The following PDGFRL variants were observed in gnomAD, a reference collection of about 807,000 sequenced individuals.
PDGFRL encodes the protein platelet derived growth factor receptor like.
In PDGFRL, 46 loss-of-function variants were observed where a neutral mutation model predicts 37.2. The observed-to-expected ratio is 1.24, with a 90% confidence interval of 0.98 to 1.58. The LOEUF is 1.58. PDGFRL is among the 40% of genes most tolerant of loss of function. The probability of loss-of-function intolerance (pLI) is 0.00; values close to 1 mark genes in which losing one functional copy is unlikely to be tolerated. For missense variants in PDGFRL, 692 were observed against 467.6 expected, an observed-to-expected ratio of 1.48 and a Z score of -4.43; for synonymous variants, 251 against 184.3, an observed-to-expected ratio of 1.36 and a Z score of -2.93.
chr8:17,587,610 C>G (rs575105500), intron 1 of PDGFRL, among the ~76,000 whole-genome samples: 1 of 152,188 alleles, frequency 6.6e-6, no homozygotes, highest in African/African-American at 2.4e-5. Flanking sequence ...GTGGTACAAT[C>G]ATAGCTCATC....
At chr8:17,599,873 C>G (rs1294622769) in intron 2 of PDGFRL, among the ~76,000 whole-genome samples, 2 of 152,192 alleles carry the variant, frequency 1.3e-5, no homozygotes, top group African/African-American at 2.4e-5. Flanking sequence ...GGCCAAAGCA[C>G]TATCCGTGCC....
chr8:17,609,476 A>G (rs1014413579), intron 2 of PDGFRL, among the ~76,000 whole-genome samples: 2 of 143,238 alleles, frequency 1.4e-5, no homozygotes, highest in Non-Finnish European at 3.1e-5. Context: ...CTCTGTCTGG[A>G]AAAAAAAAAA....
chr8:17,636,923 G>A (rs936928993), intron 5 of PDGFRL, among the ~76,000 whole-genome samples: 2 of 152,164 alleles, frequency 1.3e-5, no homozygotes, highest in African/African-American at 4.8e-5. Flanking sequence ...CTTGGTTGCT[G>A]TTGGTTTATA....
intron 2 of PDGFRL, among the ~76,000 whole-genome samples, chr8:17,590,374 A>C (rs1803910885): frequency 6.6e-6 from 1 of 151,930 alleles, no homozygotes; most frequent in Admixed American, 6.6e-5. Context: ...GGGAAACCAA[A>C]ATGTTATAGA....
intron 3 of PDGFRL, among the ~76,000 whole-genome samples, chr8:17,624,444 T>A (rs1005728762): frequency 6.6e-6 from 1 of 152,176 alleles, no homozygotes; most frequent in African/African-American, 2.4e-5. Flanking sequence ...ATAACATATG[T>A]AAAGAAAAAC....
chr8:17,580,951 T>G (rs1261663434), intron 1 of PDGFRL, among the ~76,000 whole-genome samples: 1 of 84,850 alleles, frequency 1.2e-5, no homozygotes, highest in East Asian at 7.3e-4. Context: ...TACATGGCAT[T>G]TTCATACGTG....
chr8:17,587,232 G>T, intron 1 of PDGFRL, among the ~76,000 whole-genome samples: 1 of 152,110 alleles, frequency 6.6e-6, no homozygotes, highest in East Asian at 1.9e-4. Flanking sequence ...TGGTCAAAAG[G>T]TCAAATTATT....
chr8:17,585,588 G>A (rs1224720440), intron 1 of PDGFRL, among the ~76,000 whole-genome samples: 1 of 152,056 alleles, frequency 6.6e-6, no homozygotes, highest in Non-Finnish European at 1.5e-5. Context: ...ATAACTAATT[G>A]GGAAGCAACT....
chr8:17,606,886 G>GTTTTTTTTTTTT (rs371085758), intron 2 of PDGFRL, among the ~76,000 whole-genome samples: 1 of 138,262 alleles, frequency 7.2e-6, no homozygotes, highest in African/African-American at 2.8e-5. Context: ...TTCGTTTTTT[G>GTTTTTTTTTTTT]TTTTTTTGTT....
intron 4 of PDGFRL, among the ~76,000 whole-genome samples, chr8:17,632,923 G>A (rs550691173): frequency 1.3e-5 from 2 of 152,286 alleles, no homozygotes; most frequent in East Asian, 1.9e-4. Context: ...GCTTCCTCAA[G>A]GAAGCCCTTC....
rs201682806 is a variant in PDGFRL, at chr8:17,642,630, G to C, written c.957G>C (p.Thr319=). 1 of 1,607,800 alleles carries C rather than the reference G, an allele frequency of 6.2e-7. No individual in the cohort carries two copies. Among genetic ancestry groups the C allele is most frequent in the Non-Finnish European group, 8.5e-7 (1 of 1,174,264 alleles). The stretch of plus-strand genomic sequence containing the variant: ...TTAAACAGGATGAAAGGCCTGTGAC[G>C]ATCCAAGACACTTGGAGGTTGATCC... ...FPGQKDERPV[T]IQDTWRLIHR... The change falls in exon 6 of 6, where the codon ACG becomes ACC. Residue 319 remains threonine (T), a synonymous_variant. Coordinates refer to ENST00000251630, the MANE Select transcript of PDGFRL (RefSeq NM_001372073.1).
intron 2 of PDGFRL, among the ~76,000 whole-genome samples, chr8:17,597,441 C>T (rs1804077655): frequency 6.6e-6 from 1 of 152,130 alleles, no homozygotes; most frequent in Non-Finnish European, 1.5e-5. Flanking sequence ...TTGACACTCA[C>T]CTACAAAAGC....
At chr8:17,576,968 G>C (rs1055112559), upstream of PDGFRL, among the ~76,000 whole-genome samples, 14 of 151,418 alleles carry the variant, frequency 9.2e-5, no homozygotes, top group African/African-American at 3.4e-4. Context: ...GAAATTCAAG[G>C]AATGGCTGTT....
intron 1 of PDGFRL, among the ~76,000 whole-genome samples, chr8:17,584,579 C>T (rs542870432): frequency 1.3e-5 from 2 of 152,000 alleles, no homozygotes; most frequent in Admixed American, 1.3e-4. Context: ...AAAACCAAGG[C>T]AGCACAGGGT....
chr8:17,606,433 G>C (rs1406716629), intron 2 of PDGFRL, among the ~76,000 whole-genome samples: 4 of 152,124 alleles, frequency 2.6e-5, no homozygotes, highest in Admixed American at 2.6e-4. Flanking sequence ...GGTCTAATTT[G>C]CAGTGGCCAG....
intron 2 of PDGFRL, among the ~76,000 whole-genome samples, chr8:17,606,707 TG>T (rs200202153): frequency 0.93 from 140,740 of 151,770 alleles, 65,953 homozygotes; most frequent in East Asian, 1. Context: ...AGGACAAGGG[TG>T]GGGGGCAGGT....
intron 1 of PDGFRL, among the ~76,000 whole-genome samples, chr8:17,585,221 C>A (rs951423670): frequency 1.1e-4 from 16 of 152,144 alleles, no homozygotes; most frequent in African/African-American, 3.9e-4. Flanking sequence ...TTCTTTACCA[C>A]AACCTGTTTT....
intron 3 of PDGFRL, among the ~76,000 whole-genome samples, chr8:17,623,035 T>G (rs1459303918): frequency 6.6e-6 from 1 of 152,242 alleles, no homozygotes; most frequent in Non-Finnish European, 1.5e-5. Flanking sequence ...AGGAGAGTTC[T>G]CTGCCTCCTG....
Position 17,634,343 on chromosome 8 carries a change from G to C in PDGFRL, c.939+130G>C, listed in dbSNP as rs189157208. On this transcript the variant is annotated intron_variant, in intron 5 of 5. Coordinates refer to ENST00000251630, the MANE Select transcript of PDGFRL (RefSeq NM_001372073.1). ...TTCAGAAGTGCAAGAAACATGTGGGGCTATGTTGGGGGCCAGGTATTGTTT... is the reference window on the plus strand; with the variant it reads ...TTCAGAAGTGCAAGAAACATGTGGGCCTATGTTGGGGGCCAGGTATTGTTT... The C allele has an allele frequency of 2.1e-5, 14 of 679,612 alleles. No individual in the cohort carries two copies. In the East Asian group the frequency reaches 3.8e-4, roughly 18 times the overall value. 42.1% of individuals were successfully genotyped at this position (679,612 alleles called of 1,614,324 possible).
Sources: gnomAD v4.1 joint callset for allele counts (sites outside exome capture counted in the v4.1 genomes callset) on GRCh38, gnomAD v4.1.1 for gene constraint, MANE v1.5 for transcripts, NCBI Gene and HGNC (gene_info 2026-07-23, HGNC 2026-07-21) for gene names.